RGS7BP: variants seen among roughly 807,000 people sequenced by gnomAD.
RGS7BP encodes regulator of G protein signaling 7 binding protein, also known as regulator of G protein signaling 7-binding protein.
In RGS7BP, 9 loss-of-function variants were observed where a neutral mutation model predicts 31.3. That is an observed-to-expected ratio of 0.29 (90% CI 0.17 to 0.50). The LOEUF is 0.50. Ranked by LOEUF, RGS7BP falls within the 20% of genes least tolerant of loss-of-function variation. The pLI is 0.98. For missense variants in RGS7BP, 274 were observed against 322.0 expected, an observed-to-expected ratio of 0.85 and a Z score of 1.14; for synonymous variants, 115 against 120.1, an observed-to-expected ratio of 0.96 and a Z score of 0.28.
At chr5:64,580,701 G>C (rs1742567616) in intron 3 of RGS7BP, among the ~76,000 whole-genome samples, 1 of 152,118 alleles carries the variant, frequency 6.6e-6, no homozygotes, top group African/African-American at 2.4e-5. Context: ...TGCCAGACTA[G>C]TTTTTACAAG....
At chr5:64,513,084 T>G (rs1748882504) in intron 2 of RGS7BP, among the ~76,000 whole-genome samples, 1 of 152,214 alleles carries the variant, frequency 6.6e-6, no homozygotes, top group Non-Finnish European at 1.5e-5. Flanking sequence ...GGACCTTGTT[T>G]ACAGAACTGA....
At chr5:64,509,319 C>G (rs1362095218) in intron 2 of RGS7BP, among the ~76,000 whole-genome samples, 1 of 152,180 alleles carries the variant, frequency 6.6e-6, no homozygotes. Flanking sequence ...TAAGGAGTAG[C>G]AACTCTGTAA....
At chr5:64,510,102 T>C (rs543126006) in intron 2 of RGS7BP, among the ~76,000 whole-genome samples, 2 of 152,036 alleles carry the variant, frequency 1.3e-5, no homozygotes, top group African/African-American at 4.8e-5. Flanking sequence ...GAAGCAGGAG[T>C]GAGAAAAGCA....
intron 2 of RGS7BP, among the ~76,000 whole-genome samples, chr5:64,565,003 T>G (rs963459845): frequency 1.3e-5 from 2 of 152,154 alleles, no homozygotes; most frequent in Non-Finnish European, 2.9e-5. Context: ...ATGAAACAAG[T>G]TTGTGGCCAC....
intron 2 of RGS7BP, among the ~76,000 whole-genome samples, chr5:64,557,846 C>A (rs548369246): frequency 6.6e-6 from 1 of 152,024 alleles, no homozygotes; most frequent in African/African-American, 2.4e-5. Flanking sequence ...TTCTTTGATT[C>A]GTAATAAGAT....
rs1286223369 is a variant in RGS7BP at position 64,609,143 on chromosome 5, C to T, written c.683-18C>T. Reference sequence around the variant, plus strand: ...TGTGTCTATACCTCACTTATGTGCACATTATGTCCCATCACAGATGACAGC... The same window carrying T: ...TGTGTCTATACCTCACTTATGTGCATATTATGTCCCATCACAGATGACAGC... On this transcript the variant is annotated intron_variant, in intron 5 of 5. Coordinates refer to ENST00000334025, the MANE Select transcript of RGS7BP (RefSeq NM_001029875.3). The T allele has an allele frequency of 2.0e-6, 3 of 1,527,392 alleles. No homozygotes were observed. The highest frequency in any genetic ancestry group is 2.7e-6 in the Non-Finnish European group (3 of 1,101,576). The allele number at this position is 1,527,392 out of a possible 1,614,324, so 94.6% of individuals were successfully genotyped here.
intron 2 of RGS7BP, among the ~76,000 whole-genome samples, chr5:64,556,458 C>A (rs888193705): frequency 2.1e-5 from 3 of 141,074 alleles, no homozygotes; most frequent in Admixed American, 7.0e-5. Flanking sequence ...CACACACACA[C>A]ACAAAATTGG....
chr5:64,525,666 G>A, intron 2 of RGS7BP, among the ~76,000 whole-genome samples: 1 of 152,168 alleles, frequency 6.6e-6, no homozygotes, highest in East Asian at 1.9e-4. Flanking sequence ...TAGTCACACA[G>A]CTTGTGAGCA....
intron 2 of RGS7BP, among the ~76,000 whole-genome samples, chr5:64,552,676 C>T (rs900312223): frequency 2.0e-5 from 3 of 152,106 alleles, no homozygotes. Context: ...GCTTTCTGGC[C>T]TTGTAAATGT....
At chr5:64,532,421 T>C (rs1216203909) in intron 2 of RGS7BP, among the ~76,000 whole-genome samples, 4 of 151,980 alleles carry the variant, frequency 2.6e-5, no homozygotes, top group Admixed American at 2.0e-4. Context: ...AGAGGCAGAA[T>C]AGGCTTTAGA....
At chr5:64,544,630 T>C (rs952322344) in intron 2 of RGS7BP, among the ~76,000 whole-genome samples, 1 of 151,676 alleles carries the variant, frequency 6.6e-6, no homozygotes, top group Non-Finnish European at 1.5e-5. Flanking sequence ...GTTTTGATCA[T>C]GTAACTGCAC....
intron 3 of RGS7BP, among the ~76,000 whole-genome samples, chr5:64,588,257 C>T (rs1015977407): frequency 1.3e-5 from 2 of 152,184 alleles, no homozygotes; most frequent in Non-Finnish European, 2.9e-5. Context: ...TCACATTCGG[C>T]ACATCTTGCA....
intron 2 of RGS7BP, among the ~76,000 whole-genome samples, chr5:64,546,378 A>C (rs1741659406): frequency 6.6e-6 from 1 of 152,106 alleles, no homozygotes; most frequent in African/African-American, 2.4e-5. Context: ...GGTAGGAGTA[A>C]AACAACGAAA....
intron 2 of RGS7BP, among the ~76,000 whole-genome samples, chr5:64,542,901 G>A (rs180738770): frequency 2.5e-3 from 386 of 152,290 alleles, no homozygotes; most frequent in African/African-American, 9.0e-3. Flanking sequence ...ATACGACTCT[G>A]TGAAGTCAAT....
intron 2 of RGS7BP, among the ~76,000 whole-genome samples, chr5:64,531,656 T>G (rs955957036): frequency 2.6e-5 from 4 of 152,334 alleles, no homozygotes; most frequent in African/African-American, 9.6e-5. Context: ...CACTTTTCTG[T>G]GTCCTAGGCA....
chr5:64,582,527 C>T (rs897303857), intron 3 of RGS7BP, among the ~76,000 whole-genome samples: 4 of 152,168 alleles, frequency 2.6e-5, no homozygotes, highest in African/African-American at 9.7e-5. Context: ...AAAATTGTCC[C>T]CAGGTCCTTT....
At chr5:64,561,106 T>G (rs1454251373) in intron 2 of RGS7BP, among the ~76,000 whole-genome samples, 2 of 152,118 alleles carry the variant, frequency 1.3e-5, no homozygotes, top group Non-Finnish European at 2.9e-5. Context: ...TACCCCCACA[T>G]ACACTAGCTT....
At chr5:64,549,204 G>T (rs1438328494) in intron 2 of RGS7BP, among the ~76,000 whole-genome samples, 4 of 152,284 alleles carry the variant, frequency 2.6e-5, no homozygotes, top group African/African-American at 9.6e-5. Context: ...GACAAGTTAT[G>T]TACTTCCAAA....
At chr5:64,574,118 A>G (rs1456852276) in intron 2 of RGS7BP, among the ~76,000 whole-genome samples, 1 of 152,202 alleles carries the variant, frequency 6.6e-6, no homozygotes, top group Non-Finnish European at 1.5e-5. Flanking sequence ...TTGCTCTGAA[A>G]ATAAATGTAT....
Sources: allele counts gnomAD v4.1 joint callset (sites outside exome capture counted in the v4.1 genomes callset), GRCh38; gene constraint gnomAD v4.1.1; transcripts MANE v1.5; gene names NCBI Gene and HGNC (gene_info 2026-07-23, HGNC 2026-07-21).